The following PLXDC2 variants were observed in gnomAD, a reference collection of about 807,000 sequenced individuals.
The protein encoded by PLXDC2 is plexin domain containing 2, also known as plexin domain-containing protein 2.
PLXDC2 carries 40 observed loss-of-function variants against 68.9 expected under a neutral mutation model. The observed-to-expected ratio is 0.58, with a 90% CI of 0.45 to 0.76. PLXDC2 has a LOEUF of 0.76. Among genes scored for constraint, PLXDC2 ranks in the 30% least tolerant of loss-of-function variants. The pLI is 0.00. For synonymous variants in PLXDC2, 243 were observed against 234.2 expected (o/e 1.04, Z -0.34); for missense variants, 644 against 661.9 (o/e 0.97, Z 0.30).
At chr10:20,241,085 A>G (rs186275084) in intron 12 of PLXDC2, among the ~76,000 whole-genome samples, 1 of 152,350 alleles carries the variant, frequency 6.6e-6, no homozygotes, top group Non-Finnish European at 1.5e-5. Context: ...AAATTGTGTT[A>G]TTAGATATGG....
chr10:20,170,579 C>T (rs961663314), intron 7 of PLXDC2, among the ~76,000 whole-genome samples: 8 of 152,242 alleles, frequency 5.3e-5, no homozygotes, highest in Admixed American at 3.9e-4. Context: ...AATATGCACA[C>T]TATCTTAAGC....
intron 13 of PLXDC2, among the ~76,000 whole-genome samples, chr10:20,255,193 A>G (rs959070548): frequency 2.2e-4 from 24 of 107,186 alleles, no homozygotes; most frequent in Non-Finnish European, 3.5e-4. Context: ...AGGTGGATGG[A>G]TAGATAGATA....
chr10:19,855,468 C>T (rs7080901), intron 1 of PLXDC2, among the ~76,000 whole-genome samples: 69,401 of 152,054 alleles, frequency 0.46, 19,303 homozygotes, highest in African/African-American at 0.79. Flanking sequence ...TAAACCTTCA[C>T]TTCTTCTTTT....
In PLXDC2 at chr10:20,285,335, A is replaced by G. The variant is rs567616194; in HGVS notation, c.*5516A>G. On this transcript the variant is annotated 3_prime_UTR_variant, in exon 14 of 14. Coordinates refer to ENST00000377252, the MANE Select transcript of PLXDC2 (RefSeq NM_032812.9). ...GAAATATTTATTGAACACCTACTGG[A>G]ACCAAGTGACTGTGCTAGTAACTTG... The G allele has an allele frequency of 2.0e-5, 3 of 152,316 alleles. No homozygotes were observed. Among genetic ancestry groups the G allele is most frequent in the Non-Finnish European group, 4.4e-5 (3 of 68,026 alleles). 9.4% of individuals were successfully genotyped at this position (152,316 alleles called of 1,614,324 possible).
At chr10:20,007,792 G>A (rs1023357568) in intron 2 of PLXDC2, among the ~76,000 whole-genome samples, 3 of 152,178 alleles carry the variant, frequency 2.0e-5, no homozygotes, top group African/African-American at 7.2e-5. Context: ...CCACACTTTG[G>A]GTTGCAAGGA....
chr10:20,102,508 C>T (rs145784733), intron 4 of PLXDC2, among the ~76,000 whole-genome samples: 408 of 152,186 alleles, frequency 2.7e-3, no homozygotes, highest in African/African-American at 9.0e-3. Context: ...TGTCCTATTC[C>T]ATCACCAGCA....
intron 4 of PLXDC2, among the ~76,000 whole-genome samples, chr10:20,081,311 A>G (rs1292398407): frequency 6.6e-6 from 1 of 152,152 alleles, no homozygotes; most frequent in Non-Finnish European, 1.5e-5. Context: ...AGGGGGAAAA[A>G]CTATTCCACT....
At chr10:19,829,041 G>A (rs753336112) in intron 1 of PLXDC2, among the ~76,000 whole-genome samples, 15 of 151,842 alleles carry the variant, frequency 9.9e-5, no homozygotes, top group Non-Finnish European at 1.5e-4. Context: ...GGTCCTGTTT[G>A]ACCTCTTCAG....
rs1833213759 is a variant in PLXDC2, at chr10:19,908,682, T to A, written c.112+91491T>A. Among the ~76,000 whole-genome samples, 3 of 152,156 alleles carry A rather than the reference T, an allele frequency of 2.0e-5. No individual in the cohort carries two copies. In the East Asian group the frequency reaches 5.8e-4, roughly 29 times the overall value. On this transcript the variant is annotated intron_variant, in intron 1 of 13. Coordinates refer to ENST00000377252, the MANE Select transcript of PLXDC2 (RefSeq NM_032812.9). ...AGATTGTGTTTGTATTTCTCAGTGG[T>A]GCTATGGCTTACCTGACAATATACC...
At chr10:19,976,012 A>C (rs916816008) in intron 1 of PLXDC2, among the ~76,000 whole-genome samples, 2 of 152,168 alleles carry the variant, frequency 1.3e-5, no homozygotes, top group African/African-American at 4.8e-5. Flanking sequence ...AAAAATAAAA[A>C]TAAAAAAGAA....
chr10:19,857,370 A>C (rs1837234054), intron 1 of PLXDC2, among the ~76,000 whole-genome samples: 1 of 152,228 alleles, frequency 6.6e-6, no homozygotes, highest in Admixed American at 6.5e-5. Context: ...ATTAATATTA[A>C]AATTGCAAAC....
chr10:20,154,188 T>C (rs1310347939), intron 6 of PLXDC2, among the ~76,000 whole-genome samples: 1 of 152,182 alleles, frequency 6.6e-6, no homozygotes, highest in African/African-American at 2.4e-5. Flanking sequence ...GTGATGATTT[T>C]TGCTTGATTA....
intron 1 of PLXDC2, among the ~76,000 whole-genome samples, chr10:19,825,480 A>G (rs1836554154): frequency 6.6e-6 from 1 of 152,120 alleles, no homozygotes; most frequent in African/African-American, 2.4e-5. Flanking sequence ...TGCTTAGGAT[A>G]CTGTATTCTT....
At chr10:20,105,151 A>T (rs746130114) in intron 4 of PLXDC2, among the ~76,000 whole-genome samples, 5 of 151,436 alleles carry the variant, frequency 3.3e-5, no homozygotes, top group Admixed American at 6.6e-5. Context: ...GAACAAGGTG[A>T]TGCTTATGTT....
At chr10:20,230,704 A>AAAAAAAAAAAAAAAAAAAAAAC (rs1422236363) in intron 12 of PLXDC2, among the ~76,000 whole-genome samples, 1 of 149,242 alleles carries the variant, frequency 6.7e-6, no homozygotes, top group Non-Finnish European at 1.5e-5. Flanking sequence ...AAAAAAAAAA[A>AAAAAAAAAAAAAAAAAAAAAAC]AAAAAAAAAA....
chr10:19,907,489 C>T (rs1833187029), intron 1 of PLXDC2, among the ~76,000 whole-genome samples: 1 of 152,184 alleles, frequency 6.6e-6, no homozygotes, highest in Non-Finnish European at 1.5e-5. Flanking sequence ...TGAAGACAGA[C>T]TCAGTCCATG....
intron 11 of PLXDC2, among the ~76,000 whole-genome samples, chr10:20,218,225 AG>A (rs1420739613): frequency 1.3e-5 from 2 of 152,122 alleles, no homozygotes; most frequent in Non-Finnish European, 2.9e-5. Flanking sequence ...CAGGAGGGAG[AG>A]GGCAGAAACA....
chr10:19,923,407 AT>A (rs1355283722), intron 1 of PLXDC2, among the ~76,000 whole-genome samples: 1 of 152,226 alleles, frequency 6.6e-6, no homozygotes, highest in African/African-American at 2.4e-5. Flanking sequence ...CACAGGGTTT[AT>A]CAAAGAGTTA....
At chr10:20,164,890 A>C (rs1199306383) in intron 7 of PLXDC2, among the ~76,000 whole-genome samples, 1 of 152,124 alleles carries the variant, frequency 6.6e-6, no homozygotes, top group African/African-American at 2.4e-5. Flanking sequence ...CTCACAGCTC[A>C]CTGCAACCTT....
Sources: gnomAD v4.1 joint callset for allele counts (sites outside exome capture counted in the v4.1 genomes callset) on GRCh38, gnomAD v4.1.1 for gene constraint, MANE v1.5 for transcripts, NCBI Gene and HGNC (gene_info 2026-07-23, HGNC 2026-07-21) for gene names.